WDR5: variants seen among roughly 807,000 people sequenced by gnomAD.
WDR5 encodes the protein WD repeat-containing protein 5.
For synonymous variants in WDR5, 144 were observed against 161.6 expected, an observed-to-expected ratio of 0.89 and a Z score of 0.83; for missense variants, 187 against 416.9, an observed-to-expected ratio of 0.45 and a Z score of 4.80.
At chr9:134,155,111 C>G (rs1045761172) in intron 10 of WDR5, among the ~76,000 whole-genome samples, 1 of 152,246 alleles carries the variant, frequency 6.6e-6, no homozygotes, top group African/African-American at 2.4e-5. Context: ...CTGTTAAAGT[C>G]TCTCTTGGAA....
intron 8 of WDR5, among the ~76,000 whole-genome samples, chr9:134,149,884 C>T (rs1428148725): frequency 6.6e-6 from 1 of 152,186 alleles, no homozygotes; most frequent in African/African-American, 2.4e-5. Context: ...GCTCCAGCAG[C>T]GAGCTCGGCC....
chr9:134,147,952 C>G (rs866282391), intron 7 of WDR5, among the ~76,000 whole-genome samples: 1 of 151,966 alleles, frequency 6.6e-6, no homozygotes, highest in Non-Finnish European at 1.5e-5. Context: ...GTCAGGAGTT[C>G]AAGACCAGGC....
rs1283405961 is a variant in WDR5, at chr9:134,157,416, G to A, written c.905-477G>A. ...TCCTTGCTGTGACAGAGCCAGCCCT[G>A]TGGGGTGCTCTGGGGCTTAGCATTG... On this transcript the variant is annotated intron_variant, in intron 13 of 13. Coordinates refer to ENST00000358625, the MANE Select transcript of WDR5 (RefSeq NM_017588.3). The surrounding 1 kb of genome is among the most constrained non-coding windows in gnomAD (Gnocchi z 5.0). 6.6e-6 allele frequency among the ~76,000 whole-genome samples: 1 copy of A among 152,176 alleles called. No individual in the cohort carries two copies. The highest frequency in any genetic ancestry group is 2.4e-5 in the African/African-American group (1 of 41,440).
chr9:134,144,540 T>TA (rs879450510), intron 7 of WDR5, among the ~76,000 whole-genome samples: 15 of 152,036 alleles, frequency 9.9e-5, no homozygotes, highest in East Asian at 1.9e-4. Context: ...CGTTTGCTCA[T>TA]AAAAAAACAC....
chr9:134,157,326 T>C lies in WDR5; in HGVS notation c.905-567T>C, dbSNP rs1018104445. The stretch of plus-strand genomic sequence containing the variant: ...GTTTACGTAGAAGCTGTAAACACTT[T>C]GATGTGGCCGACCTTGCACCACCAG... On this transcript the variant is annotated intron_variant, in intron 13 of 13. Transcript: ENST00000358625. This position sits in a 1 kb window ranked among gnomAD's most constrained non-coding sequence, Gnocchi z 5.0. Among the ~76,000 whole-genome samples, 16 of 152,294 alleles carry C rather than the reference T, an allele frequency of 1.1e-4. No homozygotes were observed. Among genetic ancestry groups the C allele is most frequent in the African/African-American group, 3.6e-4 (15 of 41,560 alleles).
At chr9:134,146,306 C>T (rs1588173431) in intron 7 of WDR5, among the ~76,000 whole-genome samples, 1 of 151,724 alleles carries the variant, frequency 6.6e-6, no homozygotes, top group South Asian at 2.1e-4. Flanking sequence ...GCGATCTTGG[C>T]TCACTGCAAC....
intron 12 of WDR5, among the ~76,000 whole-genome samples, chr9:134,155,977 G>C (rs1832725164): frequency 6.6e-6 from 1 of 151,884 alleles, no homozygotes; most frequent in Admixed American, 6.6e-5. Context: ...CAGGCAGCCT[G>C]TTGTCGGGCT....
chr9:134,155,273 A>G, intron 10 of WDR5, 67 bp from the exon 11 acceptor site: 1 of 1,480,794 alleles, frequency 6.8e-7, no homozygotes. Context: ...TAGTGGCTGC[A>G]GAGTTGGGTG....
In WDR5 at chr9:134,141,983, A is replaced by G; in HGVS notation, c.299A>G (p.Asn100Ser). Residue 100 changes from asparagine (N) to serine (S), a missense_variant, in exon 5 of 14, where the codon AAC (asparagine) becomes AGC (serine). Coordinates refer to ENST00000358625, the MANE Select transcript of WDR5 (RefSeq NM_017588.3). ...ISDVAWSSDS[N>S]LLVSASDDKT... ...GATGTAGCCTGGTCGTCAGATTCTAACCTTCTTGTTTCTGCCTCAGATGAC... is the reference window on the plus strand; with the variant it reads ...GATGTAGCCTGGTCGTCAGATTCTAGCCTTCTTGTTTCTGCCTCAGATGAC... 3.1e-6 allele frequency: 5 copies of G among 1,614,122 alleles called. No homozygotes were observed. Among genetic ancestry groups the G allele is most frequent in the Non-Finnish European group, 4.2e-6 (5 of 1,180,034 alleles).
intron 1 of WDR5, among the ~76,000 whole-genome samples, chr9:134,137,684 C>A (rs28541450): frequency 0.016 from 1,663 of 104,772 alleles, 32 homozygotes; most frequent in Middle Eastern, 0.051. Flanking sequence ...AAAACAAAAA[C>A]AAAAAAAAAA....
intron 13 of WDR5, among the ~76,000 whole-genome samples, chr9:134,156,927 T>G (rs1183976468): frequency 6.6e-6 from 1 of 152,202 alleles, no homozygotes; most frequent in East Asian, 1.9e-4. Flanking sequence ...CTGGGGACAG[T>G]GAGGTCATCG....
chr9:134,154,141 G>T (rs978855868), intron 9 of WDR5, among the ~76,000 whole-genome samples: 3 of 152,176 alleles, frequency 2.0e-5, no homozygotes, highest in Non-Finnish European at 4.4e-5. Flanking sequence ...GTTGAGTTGG[G>T]CATTCGCCAG....
At position 134,158,616 on chromosome 9, in the gene WDR5, C is replaced by T. The variant is rs1184376894; in HGVS notation, c.*623C>T. 5 of 152,218 alleles carry T rather than the reference C, an allele frequency of 3.3e-5. No homozygotes were observed. The highest frequency in any genetic ancestry group is 1.2e-4 in the African/African-American group (5 of 41,372). The allele number at this position is 152,218 out of a possible 1,614,324, so 9.4% of individuals were successfully genotyped here. On this transcript the variant is annotated 3_prime_UTR_variant, in exon 14 of 14. Coordinates refer to ENST00000358625, the MANE Select transcript of WDR5 (RefSeq NM_017588.3). ...GATAGCACGGTCATCGCACATGACT[C>T]TCCCGTTTGTCTCAGTGTCCCTGCA...
Position 134,148,356 on chromosome 9 carries a change from AT to A in WDR5, c.584+17del. The A allele has an allele frequency of 6.2e-7, 1 of 1,609,486 alleles. No individual in the cohort carries two copies. Among genetic ancestry groups the A allele is most frequent in the Non-Finnish European group, 8.5e-7 (1 of 1,176,034 alleles). On this transcript the variant is annotated intron_variant, in intron 8 of 13. Coordinates refer to ENST00000358625, the MANE Select transcript of WDR5 (RefSeq NM_017588.3). ...ATGATGGTCTCTGGTAAGTGAAAAC[AT>A]TTTACTTCATGAAGCGATGAGTGCT...
intron 13 of WDR5, 24 bp downstream of exon 13, chr9:134,156,617 C>A: frequency 1.2e-6 from 2 of 1,611,318 alleles, no homozygotes; most frequent in South Asian, 2.2e-5. Flanking sequence ...CTCCTGCAGT[C>A]ACTGGCTGCC....
In WDR5 at chr9:134,157,392, C is replaced by G. The variant is rs1283772030; in HGVS notation, c.905-501C>G. On this transcript the variant is annotated intron_variant, in intron 13 of 13. Transcript: ENST00000358625. The surrounding 1 kb of genome is among the most constrained non-coding windows in gnomAD (Gnocchi z 5.0). ...CTCCCTGCTTGGGTGGTGGACTTGTCCTTGCTGTGACAGAGCCAGCCCTGT... is the reference window on the plus strand; with the variant it reads ...CTCCCTGCTTGGGTGGTGGACTTGTGCTTGCTGTGACAGAGCCAGCCCTGT... Among the ~76,000 whole-genome samples the G allele has an allele frequency of 6.6e-6, 1 of 152,146 alleles. No homozygotes were observed. The highest frequency in any genetic ancestry group is 1.5e-5 in the Non-Finnish European group (1 of 68,038).
At chr9:134,142,215 G>A (rs1831930937) in intron 5 of WDR5, 118 bp from the exon 6 acceptor site, 2 of 1,238,330 alleles carry the variant, frequency 1.6e-6, no homozygotes, top group South Asian at 1.4e-5. Flanking sequence ...TCGGGGAACA[G>A]CAAGTCACTG....
chr9:134,146,528 G>A (rs899112990), intron 7 of WDR5, among the ~76,000 whole-genome samples: 4 of 152,182 alleles, frequency 2.6e-5, no homozygotes, highest in Non-Finnish European at 5.9e-5. Flanking sequence ...AAGCCACCGC[G>A]CCCGGCCTCC....
chr9:134,144,282 T>C (rs1179054842), intron 7 of WDR5, among the ~76,000 whole-genome samples: 4 of 152,234 alleles, frequency 2.6e-5, no homozygotes, highest in Non-Finnish European at 5.9e-5. Flanking sequence ...GGCTGTGTGC[T>C]TGCGGGCCCA....
Sources: gnomAD v4.1 joint callset for allele counts (sites outside exome capture counted in the v4.1 genomes callset) on GRCh38, gnomAD v4.1.1 for gene constraint, Gnocchi (gnomAD v3.1) non-coding constraint, MANE v1.5 for transcripts, NCBI Gene and HGNC (gene_info 2026-07-23, HGNC 2026-07-21) for gene names.